LRRC4C: variants seen among roughly 807,000 people sequenced by gnomAD.
LRRC4C encodes leucine rich repeat containing 4C, also known as leucine-rich repeat-containing protein 4C.
A neutral mutation model predicts 33.6 loss-of-function variants in LRRC4C; 5 were observed. That is an observed-to-expected ratio of 0.15 (90% CI 0.08 to 0.31). LRRC4C has a LOEUF of 0.31. LRRC4C is among the 10% of genes least tolerant of loss of function. The pLI, the probability that LRRC4C is intolerant of heterozygous loss-of-function variation, is 1.00. For synonymous variants in LRRC4C, 329 were observed against 302.0 expected (o/e 1.09, Z -0.93); for missense variants, 560 against 796.7 (o/e 0.70, Z 3.58).
intron 1 of LRRC4C, among the ~76,000 whole-genome samples, chr11:41,156,568 A>G (rs1260179578): frequency 6.6e-6 from 1 of 152,170 alleles, no homozygotes; most frequent in Non-Finnish European, 1.5e-5. Context: ...TATTGTAGGC[A>G]CTGAAGATAT....
At chr11:41,202,838 T>A (rs934577876) in intron 1 of LRRC4C, among the ~76,000 whole-genome samples, 1 of 151,364 alleles carries the variant, frequency 6.6e-6, no homozygotes, top group Non-Finnish European at 1.5e-5. Context: ...CAGGCTAGAG[T>A]GCAGTGGCAT....
intron 3 of LRRC4C, among the ~76,000 whole-genome samples, chr11:40,585,326 C>T (rs1159029864): frequency 6.6e-6 from 1 of 152,076 alleles, no homozygotes; most frequent in Non-Finnish European, 1.5e-5. Flanking sequence ...TAGCTAACAC[C>T]ATTGCTTGAG....
chr11:41,240,709 G>A (rs1038160461), intron 1 of LRRC4C, among the ~76,000 whole-genome samples: 6 of 152,100 alleles, frequency 3.9e-5, no homozygotes, highest in African/African-American at 1.4e-4. Context: ...TGATAAATTG[G>A]GATGAATAGC....
intron 1 of LRRC4C, among the ~76,000 whole-genome samples, chr11:41,117,878 A>G (rs946934764): frequency 1.3e-5 from 2 of 152,176 alleles, no homozygotes; most frequent in Non-Finnish European, 2.9e-5. Flanking sequence ...TAAAACTAAA[A>G]TGGAGATTTA....
At chr11:41,205,209 A>T (rs942002031) in intron 1 of LRRC4C, among the ~76,000 whole-genome samples, 1 of 152,222 alleles carries the variant, frequency 6.6e-6, no homozygotes, top group Non-Finnish European at 1.5e-5. Context: ...ACATGGATAG[A>T]TCATACAGAG....
chr11:40,924,604 T>C (rs1229185672), intron 2 of LRRC4C, among the ~76,000 whole-genome samples: 1 of 152,020 alleles, frequency 6.6e-6, no homozygotes, highest in East Asian at 1.9e-4. Flanking sequence ...CTACAGTAAA[T>C]AATTTGCCAT....
intron 1 of LRRC4C, among the ~76,000 whole-genome samples, chr11:41,174,526 G>A (rs977011382): frequency 6.6e-6 from 1 of 151,942 alleles, no homozygotes; most frequent in Admixed American, 6.6e-5. Context: ...TTCAGTGTTT[G>A]TTGTCTGGAA....
intron 4 of LRRC4C, among the ~76,000 whole-genome samples, chr11:40,275,514 G>A (rs1943039862): frequency 6.6e-6 from 1 of 152,154 alleles, no homozygotes; most frequent in Admixed American, 6.6e-5. Context: ...TTGCTTTGAT[G>A]AGGGAGCTCC....
intron 1 of LRRC4C, among the ~76,000 whole-genome samples, chr11:41,087,095 T>C (rs1464796499): frequency 1.3e-5 from 2 of 152,246 alleles, no homozygotes; most frequent in African/African-American, 2.4e-5. Context: ...ATCTCATTAC[T>C]GTCACAAACC....
chr11:40,356,147 G>A (rs1315702466), intron 3 of LRRC4C, among the ~76,000 whole-genome samples: 1 of 152,070 alleles, frequency 6.6e-6, no homozygotes, highest in Non-Finnish European at 1.5e-5. Context: ...TGCCTCACAG[G>A]ATTGTCCAGT....
chr11:41,420,020 G>A (rs1565659046), intron 1 of LRRC4C, among the ~76,000 whole-genome samples: 1 of 151,768 alleles, frequency 6.6e-6, no homozygotes, highest in South Asian at 2.1e-4. Flanking sequence ...GCAGGCCTTC[G>A]ATGCGGTGGG....
At chr11:40,892,024 A>G (rs1437720074) in intron 2 of LRRC4C, among the ~76,000 whole-genome samples, 1 of 151,258 alleles carries the variant, frequency 6.6e-6, no homozygotes, top group Non-Finnish European at 1.5e-5. Context: ...AGTCCCAGCT[A>G]CTCGGGAGGC....
In LRRC4C at chr11:40,794,038, T is replaced by A. The variant is rs370114904; in HGVS notation, c.-407+139597A>T. Among the ~76,000 whole-genome samples, 5 of 152,282 alleles carry A rather than the reference T, an allele frequency of 3.3e-5. No homozygotes were observed. The South Asian group carries it at 6.2e-4, about 19-fold the overall frequency. On this transcript the variant is annotated intron_variant, in intron 2 of 6. Coordinates refer to ENST00000528697, the MANE Select transcript of LRRC4C (RefSeq NM_001258419.2). ...TTCATATGGCTGACTAGGCTTCTTT[T>A]TCTTTGTGAGATCTCTGATGTGAAA...
intron 1 of LRRC4C, among the ~76,000 whole-genome samples, chr11:41,424,534 T>C (rs1954973479): frequency 6.6e-6 from 1 of 152,054 alleles, no homozygotes; most frequent in Non-Finnish European, 1.5e-5. Flanking sequence ...ACTGAGTGGC[T>C]AAATTGGGGG....
At chr11:40,692,907 C>A (rs1334918154) in intron 2 of LRRC4C, among the ~76,000 whole-genome samples, 1 of 151,942 alleles carries the variant, frequency 6.6e-6, no homozygotes, top group Non-Finnish European at 1.5e-5. Context: ...ATAGTACAGT[C>A]CTAGGTATAA....
intron 6 of LRRC4C, among the ~76,000 whole-genome samples, chr11:40,121,295 T>A (rs935366046): frequency 6.6e-6 from 1 of 152,220 alleles, no homozygotes; most frequent in African/African-American, 2.4e-5. Flanking sequence ...TTGCAATTAA[T>A]GAGATTTTCT....
At chr11:40,898,289 G>A (rs1001590348) in intron 2 of LRRC4C, among the ~76,000 whole-genome samples, 8 of 146,286 alleles carry the variant, frequency 5.5e-5, no homozygotes, top group African/African-American at 1.8e-4. Flanking sequence ...GGGAGGCGGA[G>A]GTTGTGGTGG....
intron 3 of LRRC4C, among the ~76,000 whole-genome samples, chr11:40,539,095 G>A (rs995511247): frequency 1.3e-4 from 20 of 152,012 alleles, no homozygotes; most frequent in African/African-American, 4.1e-4. Flanking sequence ...AAGTATTGCC[G>A]ACCAAGCTTT....
intron 2 of LRRC4C, among the ~76,000 whole-genome samples, chr11:40,894,401 C>A (rs769798652): frequency 6.6e-6 from 1 of 152,016 alleles, no homozygotes; most frequent in African/African-American, 2.4e-5. Context: ...AGCAGATTAT[C>A]GGGAGTCTAC....
Sources: gnomAD v4.1 joint callset for allele counts (sites outside exome capture counted in the v4.1 genomes callset) on GRCh38, gnomAD v4.1.1 for gene constraint, MANE v1.5 for transcripts, NCBI Gene and HGNC (gene_info 2026-07-23, HGNC 2026-07-21) for gene names.